GTPBP8: variants seen among roughly 807,000 people sequenced by gnomAD.
The protein encoded by GTPBP8 is GTP-binding protein 8.
A neutral mutation model predicts 27.3 loss-of-function variants in GTPBP8; 21 were observed. The ratio of observed to expected loss-of-function variants is 0.77; its 90% CI spans 0.55 to 1.11. The LOEUF is 1.11. Among genes scored for constraint, GTPBP8 ranks in the 50% least tolerant of loss-of-function variants. The probability of loss-of-function intolerance (pLI) is 0.00; values close to 1 mark genes in which losing one functional copy is unlikely to be tolerated. For missense variants in GTPBP8, 380 were observed against 350.8 expected, an observed-to-expected ratio of 1.08 and a Z score of -0.67; for synonymous variants, 147 against 135.3, an observed-to-expected ratio of 1.09 and a Z score of -0.60.
rs779538932 is a variant in GTPBP8 at position 112,991,237 on chromosome 3, A to C, written c.238A>C (p.Arg80=). The C allele has an allele frequency of 6.2e-7, 1 of 1,614,012 alleles. No individual in the cohort carries two copies. The highest frequency in any genetic ancestry group is 1.7e-5 in the Admixed American group (1 of 60,014). ...TGACCCAAGCCCGGAGGACATAGCC[A>C]GGGCGGACAACATCTTCACGGCCAC... ...IFDPSPEDIA[R]ADNIFTATER... is the part of the protein sequence containing the mutation. Residue 80 remains arginine, a synonymous_variant, in exon 1 of 6, where the codon AGG becomes CGG. Coordinates refer to ENST00000383678, the MANE Select transcript of GTPBP8 (RefSeq NM_014170.4).
intron 4 of GTPBP8, among the ~76,000 whole-genome samples, chr3:112,999,013 T>C (rs1001683032): frequency 6.6e-6 from 1 of 152,220 alleles, no homozygotes; most frequent in Admixed American, 6.5e-5. Context: ...AACCTACAAA[T>C]AGCCTGATTT....
intron 1 of GTPBP8, 62 bp from the exon 2 acceptor site, chr3:112,992,964 A>G (rs1933711483): frequency 1.6e-5 from 13 of 828,642 alleles, no homozygotes; most frequent in Non-Finnish European, 2.4e-5. Context: ...GAAGTTTTTT[A>G]CATCTAATGC....
rs745633594 is a variant in GTPBP8, at chr3:112,999,577, T to C, written c.785+13T>C. 7 of 1,006,128 alleles carry C rather than the reference T, an allele frequency of 7.0e-6. No homozygotes were observed. In the Admixed American group the frequency reaches 1.7e-4, roughly 24 times the overall value. 62.3% of individuals were successfully genotyped at this position (1,006,128 alleles called of 1,614,324 possible). On this transcript the variant is annotated intron_variant, in intron 5 of 5. Coordinates refer to ENST00000383678, the MANE Select transcript of GTPBP8 (RefSeq NM_014170.4). Reference sequence around the variant, plus strand: ...TGTTTCCTGTAAGGTAAGAGTTGAATTGTTTTGTTTTTTGTTTTTTATGAA... The same window carrying C: ...TGTTTCCTGTAAGGTAAGAGTTGAACTGTTTTGTTTTTTGTTTTTTATGAA...
chr3:112,996,514 TG>T (rs2107369583), intron 3 of GTPBP8, among the ~76,000 whole-genome samples: 1 of 152,246 alleles, frequency 6.6e-6, no homozygotes, highest in East Asian at 1.9e-4. Flanking sequence ...TTATAATTTA[TG>T]GTTCCTATAA....
rs1397553259 is a variant in GTPBP8, at chr3:113,001,075, CAAG to C, written c.*159_*161del. On this transcript the variant is annotated 3_prime_UTR_variant, in exon 6 of 6. Transcript: ENST00000383678. ...CTTTAAAACCTGTGCCTTCTCGAAA[CAAG>C]AATTTGTGCCTGAGGTGAAAAAAGT... 2 of 557,676 alleles carry C rather than the reference CAAG, an allele frequency of 3.6e-6. No homozygotes were observed. Among genetic ancestry groups the C allele is most frequent in the Non-Finnish European group, 6.3e-6 (2 of 316,700 alleles). 34.5% of individuals were successfully genotyped at this position (557,676 alleles called of 1,614,324 possible). A position where few individuals can be genotyped will look rare whatever the true frequency, so the allele number is the denominator to read the frequency against.
chr3:112,995,695 C>G (rs558050052), intron 3 of GTPBP8, among the ~76,000 whole-genome samples: 99 of 152,184 alleles, frequency 6.5e-4, no homozygotes, highest in African/African-American at 2.3e-3. Context: ...CGCCACCATG[C>G]CCGGCTCATT....
intron 5 of GTPBP8, among the ~76,000 whole-genome samples, chr3:112,999,842 C>T (rs114986735): frequency 0.054 from 8,238 of 152,200 alleles, 333 homozygotes; most frequent in African/African-American, 0.11. Context: ...TAGCTTAGCT[C>T]CCACTTCTAA....
chr3:112,993,344 A>G (rs1933721125), intron 2 of GTPBP8, among the ~76,000 whole-genome samples: 1 of 92,496 alleles, frequency 1.1e-5, no homozygotes, highest in South Asian at 3.4e-4. Flanking sequence ...ATCTTCAGAA[A>G]GTCTTTCTTT....
intron 1 of GTPBP8, chr3:112,991,881 A>G (rs1233346606): frequency 8.2e-6 from 2 of 244,758 alleles, no homozygotes; most frequent in South Asian, 4.5e-5. Context: ...CTAGATGGCA[A>G]TAATGTGGAA....
At chr3:112,996,773 G>C (rs1441162799) in intron 3 of GTPBP8, 119 bp from the exon 4 acceptor site, 1 of 637,208 alleles carries the variant, frequency 1.6e-6, no homozygotes, top group Non-Finnish European at 2.8e-6. Context: ...CTAAAGAAAT[G>C]TTTTAATTTT....
At chr3:112,992,583 G>A (rs1933704443) in intron 1 of GTPBP8, 1 of 156,042 alleles carries the variant, frequency 6.4e-6, no homozygotes, top group African/African-American at 2.4e-5. Context: ...TACCATGGGA[G>A]TGCTTGAGAA....
In GTPBP8 at chr3:112,991,284, C is replaced by G. The variant is rs780892081; in HGVS notation, c.285C>G (p.Tyr95Ter). 5.0e-6 allele frequency: 8 copies of G among 1,613,414 alleles called. No homozygotes were observed. In the Admixed American group the frequency reaches 1.3e-4, roughly 27 times the overall value. Residue 95 changes from tyrosine (Y) to a stop codon, truncating the protein, a stop_gained, in exon 1 of 6, where the codon TAC (tyrosine) becomes TAG (stop). Transcript: ENST00000383678. LOFTEE classifies it high-confidence loss of function. ...CCACTGAACGGAACCGCATCGACTA[C>G]GTCAGCTCCGCCGTCCGTATCGACC... Reference protein sequence around the residue: ...FTATERNRIDYVSSAVRIDHA... With the variant: ...FTATERNRID
rs762745147 is a variant in GTPBP8, at chr3:112,991,261, A to C, written c.262A>C (p.Thr88Pro). ...IARADNIFTA[T>P]ERNRIDYVSS... ...CAGGGCGGACAACATCTTCACGGCC[A>C]CTGAACGGAACCGCATCGACTACGT... is the stretch of plus-strand genomic sequence containing the variant. Residue 88 changes from threonine (T) to proline (P), a missense_variant, in exon 1 of 6, where the codon ACT becomes CCT. Thr to Pro is a conservative substitution (Grantham distance 38, BLOSUM62 -1). Coordinates refer to ENST00000383678, the MANE Select transcript of GTPBP8 (RefSeq NM_014170.4). 2 of 1,613,836 alleles carry C rather than the reference A, an allele frequency of 1.2e-6. No homozygotes were observed. The highest frequency in any genetic ancestry group is 1.3e-5 in the African/African-American group (1 of 74,914).
intron 2 of GTPBP8, among the ~76,000 whole-genome samples, chr3:112,994,364 G>A (rs999478321): frequency 1.1e-4 from 17 of 151,484 alleles, no homozygotes; most frequent in African/African-American, 1.9e-4. Context: ...TGGAGGTTGC[G>A]GTGAGCTGAG....
In GTPBP8 at chr3:112,996,785, G is replaced by A. The variant is rs1933794656; in HGVS notation, c.567-107G>A. ...TGCCTAAAGAAATGTTTTAATTTTGGAATGAGAATTATTCAAAGAAGAATT... is the reference window on the plus strand; with the variant it reads ...TGCCTAAAGAAATGTTTTAATTTTGAAATGAGAATTATTCAAAGAAGAATT... On this transcript the variant is annotated intron_variant, in intron 3 of 5. Coordinates refer to ENST00000383678, the MANE Select transcript of GTPBP8 (RefSeq NM_014170.4). 19 of 647,968 alleles carry A rather than the reference G, an allele frequency of 2.9e-5. No individual in the cohort carries two copies. The South Asian group carries it at 3.3e-4, about 11-fold the overall frequency. 40.1% of individuals were successfully genotyped at this position (647,968 alleles called of 1,614,324 possible). A position where few individuals can be genotyped will look rare whatever the true frequency, so the allele number is the denominator to read the frequency against.
At chr3:112,994,922 T>C (rs1306869382) in intron 2 of GTPBP8, among the ~76,000 whole-genome samples, 2 of 152,216 alleles carry the variant, frequency 1.3e-5, no homozygotes, top group Non-Finnish European at 2.9e-5. Flanking sequence ...ATACAGATTC[T>C]TTTTTTAAAA....
In GTPBP8 at chr3:112,991,187, G is replaced by A. The variant is rs1271006678; in HGVS notation, c.188G>A (p.Arg63Lys). The A allele has an allele frequency of 6.2e-7, 1 of 1,614,198 alleles. No homozygotes were observed. The highest frequency in any genetic ancestry group is 8.5e-7 in the Non-Finnish European group (1 of 1,180,036). ...GAGCGGTTCCTCGCCCCCTACGGGA[G>A]GCAAGACCTTCACCTGCGTATCTTT... ...EVERFLAPYG[R>K]QDLHLRIFDP... is the part of the protein sequence containing the mutation. Residue 63 changes from arginine (R) to lysine (K), a missense_variant, in exon 1 of 6, where the codon AGG becomes AAG. Physicochemically the swap from Arg to Lys is conservative, Grantham distance 26 (BLOSUM62 2). Transcript: ENST00000383678.
intron 4 of GTPBP8, among the ~76,000 whole-genome samples, chr3:112,997,727 T>TTATTC (rs1312330346): frequency 3.9e-5 from 6 of 152,218 alleles, no homozygotes; most frequent in Non-Finnish European, 7.3e-5. Context: ...CACTTTTGTT[T>TTATTC]TATTCTTGGG....
At chr3:112,999,084 A>G (rs2107372102) in intron 4 of GTPBP8, among the ~76,000 whole-genome samples, 1 of 152,322 alleles carries the variant, frequency 6.6e-6, no homozygotes, top group Middle Eastern at 3.4e-3. Context: ...TTTTGTATAG[A>G]TAAACCCAAT....
Sources: gnomAD v4.1 joint callset for allele counts (sites outside exome capture counted in the v4.1 genomes callset) on GRCh38, gnomAD v4.1.1 for gene constraint, MANE v1.5 for transcripts, NCBI Gene and HGNC (gene_info 2026-07-23, HGNC 2026-07-21) for gene names.